Variants in GAN observed in about 807,000 individuals in gnomAD.
The protein encoded by GAN is gigaxonin.
In GAN, 48 loss-of-function variants were observed where a neutral mutation model predicts 71.3. The ratio of observed to expected loss-of-function variants is 0.67; its 90% CI spans 0.53 to 0.86. The LOEUF (loss-of-function observed/expected upper bound fraction) is 0.86, where lower values mean the gene tolerates loss of function less well. GAN is among the 40% of genes least tolerant of loss of function. The pLI is 0.00. For synonymous variants in GAN, 386 were observed against 276.8 expected, an observed-to-expected ratio of 1.39 and a Z score of -3.92; for missense variants, 928 against 770.1, an observed-to-expected ratio of 1.21 and a Z score of -2.43.
At position 81,321,196 on chromosome 16, in the gene GAN, G is replaced by A. The variant is rs1030227776; in HGVS notation, c.167+5916G>A. Among the ~76,000 whole-genome samples, 14 of 152,162 alleles carry A rather than the reference G, an allele frequency of 9.2e-5. 1 individual carries two copies. Among genetic ancestry groups the A allele is most frequent in the Admixed American group, 8.5e-4 (13 of 15,274 alleles). On this transcript the variant is annotated intron_variant, in intron 1 of 10. Transcript: ENST00000648994. ...AGGTTTTTGGAAGGTTTCAAATGATGAAACAAATCAACAAAATTCTTGTTA... is the reference window on the plus strand; with the variant it reads ...AGGTTTTTGGAAGGTTTCAAATGATAAAACAAATCAACAAAATTCTTGTTA...
At position 81,357,843 on chromosome 16, in the gene GAN, G is replaced by A; in HGVS notation, c.885G>A (p.Met295Ile). The change falls in exon 5 of 11, where the codon ATG becomes ATA. Residue 295 changes from methionine (M) to isoleucine (I), a missense_variant. By Grantham distance (10) the Met-to-Ile change is conservative (BLOSUM62 1). Coordinates refer to ENST00000648994, the MANE Select transcript of GAN (RefSeq NM_022041.4). ...SRKPTAAMRCMCPLYDPNRQL... is the reference protein window; with the variant it reads ...SRKPTAAMRCICPLYDPNRQL... ...AACCCACAGCAGCGATGCGATGCAT[G>A]TGCCCTCTCTATGACCCTAACAGGC... The A allele has an allele frequency of 6.2e-7, 1 of 1,613,208 alleles. No homozygotes were observed. Among genetic ancestry groups the A allele is most frequent in the Non-Finnish European group, 8.5e-7 (1 of 1,179,146 alleles).
At chr16:81,368,822 C>T (rs1441108361) in intron 9 of GAN, among the ~76,000 whole-genome samples, 1 of 152,138 alleles carries the variant, frequency 6.6e-6, no homozygotes, top group Non-Finnish European at 1.5e-5. Context: ...GAAAGATGAA[C>T]CTGACAAAAA....
rs1346792568 is a variant in GAN, at chr16:81,379,704, G to A, written c.*2108G>A. 3.3e-5 allele frequency: 5 copies of A among 152,220 alleles called. No individual in the cohort carries two copies. Among genetic ancestry groups the A allele is most frequent in the Admixed American group, 6.5e-5 (1 of 15,284 alleles). 9.4% of individuals were successfully genotyped at this position (152,220 alleles called of 1,614,324 possible). On this transcript the variant is annotated 3_prime_UTR_variant, in exon 11 of 11. Coordinates refer to ENST00000648994, the MANE Select transcript of GAN (RefSeq NM_022041.4). ...AACAGTACCTTGGCATTCAGCAGCT[G>A]TAATTGGGGAACATTAAAACAGTAA...
intron 9 of GAN, among the ~76,000 whole-genome samples, chr16:81,375,773 C>T (rs1904277915): frequency 6.6e-6 from 1 of 151,824 alleles, no homozygotes. Flanking sequence ...TGAGATCAGC[C>T]TGGGTAGCAT....
At chr16:81,347,760 A>T (rs144295673) in intron 1 of GAN, among the ~76,000 whole-genome samples, 18 of 152,246 alleles carry the variant, frequency 1.2e-4, no homozygotes, top group African/African-American at 3.9e-4. Context: ...AGCCATTCTG[A>T]TTCTTGATCC....
chr16:81,329,722 C>A (rs898360217), intron 1 of GAN, among the ~76,000 whole-genome samples: 4 of 152,170 alleles, frequency 2.6e-5, no homozygotes, highest in African/African-American at 9.7e-5. Flanking sequence ...GTCCCATGTT[C>A]CTCACAGCCT....
rs9935709 is a variant in GAN, at chr16:81,364,199, T to C, written c.1236+256T>C. On this transcript the variant is annotated intron_variant, in intron 7 of 10. Coordinates refer to ENST00000648994, the MANE Select transcript of GAN (RefSeq NM_022041.4). ...GTGTGTCAAGCTCCACATTTGAGTG[T>C]GCAAATGGTGCAGCAGCCACATCTT... is the stretch of plus-strand genomic sequence containing the variant. 0.67 allele frequency among the ~76,000 whole-genome samples: 101,847 copies of C among 152,056 alleles called. 34,620 individuals are homozygous for C. Among genetic ancestry groups the C allele is most frequent in the East Asian group, 0.93 (4,802 of 5,168 alleles).
At chr16:81,321,178 TG>T (rs766323339) in intron 1 of GAN, among the ~76,000 whole-genome samples, 25 of 152,220 alleles carry the variant, frequency 1.6e-4, no homozygotes, top group Non-Finnish European at 3.4e-4. Flanking sequence ...GAGAGGTTTT[TG>T]GAAGGTTTCA....
At position 81,377,569 on chromosome 16, in the gene GAN, A is replaced by G; in HGVS notation, c.1767A>G (p.Leu589=). 1 of 1,614,198 alleles carries G rather than the reference A, an allele frequency of 6.2e-7. No individual in the cohort carries two copies. Among genetic ancestry groups the G allele is most frequent in the Non-Finnish European group, 8.5e-7 (1 of 1,180,024 alleles). The change falls in exon 11 of 11, where the codon TTA becomes TTG. Residue 589 remains leucine (L), a synonymous_variant. Transcript: ENST00000648994. ...KLFRLQLQQG[L]FRIRVHSP ...TCCGCCTGCAGCTTCAGCAAGGCTT[A>G]TTCCGTATTCGTGTTCATTCCCCTT...
intron 1 of GAN, among the ~76,000 whole-genome samples, chr16:81,350,731 C>G (rs1240870841): frequency 6.6e-6 from 1 of 152,130 alleles, no homozygotes; most frequent in South Asian, 2.1e-4. Context: ...GTTGGCCAGG[C>G]TGGCCTCGAA....
intron 1 of GAN, among the ~76,000 whole-genome samples, chr16:81,327,808 G>A (rs149956164): frequency 7.7e-4 from 116 of 150,818 alleles, no homozygotes; most frequent in African/African-American, 2.6e-3. Flanking sequence ...AAAGTGAAGG[G>A]GCTTATTCTT....
rs140497983 is a variant in GAN, at chr16:81,372,004, C to T, written c.1503-5215C>T. On this transcript the variant is annotated intron_variant, in intron 9 of 10. Coordinates refer to ENST00000648994, the MANE Select transcript of GAN (RefSeq NM_022041.4). The stretch of plus-strand genomic sequence containing the variant: ...ACTGGAAGCAGACGCCTCACTACAG[C>T]TCTCTTTTTCTTTCCTCCTCTCCTT... The T allele has an allele frequency of 4.6e-5, 7 of 152,344 alleles. No individual in the cohort carries two copies. The East Asian group carries it at 1.3e-3, about 29-fold the overall frequency. The allele number at this position is 152,344 out of a possible 1,614,324, so 9.4% of individuals were successfully genotyped here. A position where few individuals can be genotyped will look rare whatever the true frequency, so the allele number is the denominator to read the frequency against.
In GAN at chr16:81,343,533, C is replaced by T. The variant is rs374538312; in HGVS notation, c.168-8050C>T. ...GACAAAAACCACATGATTATCTCAA[C>T]AGATGTAGAAAAGGCCTTTGACAAA... On this transcript the variant is annotated intron_variant, in intron 1 of 10. Transcript: ENST00000648994. 1.1e-4 allele frequency among the ~76,000 whole-genome samples: 16 copies of T among 152,254 alleles called. No homozygotes were observed. In the East Asian group the frequency reaches 2.9e-3, roughly 28 times the overall value.
chr16:81,328,029 G>A (rs1909445652), intron 1 of GAN, among the ~76,000 whole-genome samples: 1 of 152,192 alleles, frequency 6.6e-6, no homozygotes, highest in Non-Finnish European at 1.5e-5. Context: ...GGCTTCACCA[G>A]TTGCTGCGTC....
chr16:81,378,819 C>T lies in GAN; in HGVS notation c.*1223C>T, dbSNP rs1904291107. The T allele has an allele frequency of 6.6e-6, 1 of 152,540 alleles. No homozygotes were observed. The highest frequency in any genetic ancestry group is 1.5e-5 in the Non-Finnish European group (1 of 68,030). 9.4% of individuals were successfully genotyped at this position (152,540 alleles called of 1,614,324 possible). On this transcript the variant is annotated 3_prime_UTR_variant, in exon 11 of 11. Transcript: ENST00000648994. ...CTCCTTTCCTATCTCTCATTCTCACCTCAACCCACTTTACCCCACTTCTCA... is the reference window on the plus strand; with the variant it reads ...CTCCTTTCCTATCTCTCATTCTCACTTCAACCCACTTTACCCCACTTCTCA...
rs139704200 is a variant in GAN at position 81,367,795 on chromosome 16, C to T, written c.1502+2317C>T. Among the ~76,000 whole-genome samples the T allele has an allele frequency of 7.8e-3, 1,195 of 152,326 alleles. 18 individuals carry two copies. Among genetic ancestry groups the T allele is most frequent in the African/African-American group, 0.028 (1,159 of 41,562 alleles). ...AGGGTGAGCGGTGTGCCCACAGACA[C>T]ACAAGGAGCAAGAAGCTGAGGTGGG... is the stretch of plus-strand genomic sequence containing the variant. On this transcript the variant is annotated intron_variant, in intron 9 of 10. Coordinates refer to ENST00000648994, the MANE Select transcript of GAN (RefSeq NM_022041.4).
At chr16:81,322,429 A>G (rs1909251782) in intron 1 of GAN, among the ~76,000 whole-genome samples, 1 of 152,270 alleles carries the variant, frequency 6.6e-6, no homozygotes, top group Non-Finnish European at 1.5e-5. Context: ...TCAATAGAGT[A>G]AGGCTTAGAG....
chr16:81,357,974 A>G, intron 5 of GAN, 43 bp downstream of exon 5: 1 of 1,536,900 alleles, frequency 6.5e-7, no homozygotes, highest in Non-Finnish European at 9.0e-7. Context: ...CAGATCAAGT[A>G]ATGTGTAATC....
At chr16:81,326,302 G>A (rs952638141) in intron 1 of GAN, among the ~76,000 whole-genome samples, 1 of 151,454 alleles carries the variant, frequency 6.6e-6, no homozygotes, top group African/African-American at 2.4e-5. Context: ...CAGATCACCT[G>A]AGGTTGGGAG....
Sources: gnomAD v4.1 joint callset for allele counts (sites outside exome capture counted in the v4.1 genomes callset) on GRCh38, gnomAD v4.1.1 for gene constraint, MANE v1.5 for transcripts, NCBI Gene and HGNC (gene_info 2026-07-23, HGNC 2026-07-21) for gene names.